The following LAD1 variants were observed in gnomAD, a reference collection of about 807,000 sequenced individuals.
LAD1 encodes ladinin 1.
Under a neutral mutation model 54.2 loss-of-function variants are expected in LAD1, and 53 were observed. The ratio of observed to expected loss-of-function variants is 0.98; its 90% CI spans 0.78 to 1.23. LAD1 has a LOEUF of 1.23. LAD1 is among the 50% of genes most tolerant of loss of function. LAD1 has a pLI of 0.00. For synonymous variants in LAD1, 231 were observed against 257.7 expected, an observed-to-expected ratio of 0.90 and a Z score of 0.99; for missense variants, 637 against 653.3, an observed-to-expected ratio of 0.98 and a Z score of 0.27.
chr1:201,388,086 G>T (rs566769351), intron 2 of LAD1, among the ~76,000 whole-genome samples: 33 of 152,194 alleles, frequency 2.2e-4, no homozygotes, highest in South Asian at 8.3e-4. Flanking sequence ...TAGCCCCAAG[G>T]TTCTTCTCCT....
intron 1 of LAD1, among the ~76,000 whole-genome samples, chr1:201,389,648 CA>C (rs10706138): frequency 0.07 from 10,166 of 145,956 alleles, 412 homozygotes; most frequent in African/African-American, 0.12. Flanking sequence ...TCCATCTCTA[CA>C]AAAATACAAA....
Position 201,382,953 on chromosome 1 carries a change from G to A in LAD1, c.1386+121C>T, listed in dbSNP as rs553245524. 5.4e-4 allele frequency: 671 copies of A among 1,252,216 alleles called. 3 individuals carry two copies. The highest frequency in any genetic ancestry group is 2.2e-3 in the Middle Eastern group (8 of 3,564). The allele number at this position is 1,252,216 out of a possible 1,614,324, so 77.6% of individuals were successfully genotyped here. The stretch of plus-strand genomic sequence containing the variant: ...AACGTGAATGGGAACTCAAATGGAG[G>A]TTCTGCCAACATTAATTGACACATG... On this transcript the variant is annotated intron_variant, in intron 7 of 9. Coordinates refer to ENST00000391967, the MANE Select transcript of LAD1 (RefSeq NM_005558.4).
chr1:201,388,284 G>A lies in LAD1; in HGVS notation c.182+876C>T, dbSNP rs868501400. Reference sequence around the variant, plus strand: ...CAGGTGCCTTTAATCTCAGCTACTCGGGAGGCTGAGGCAAAATAGCTTGAA... The same window carrying A: ...CAGGTGCCTTTAATCTCAGCTACTCAGGAGGCTGAGGCAAAATAGCTTGAA... On this transcript the variant is annotated intron_variant, in intron 2 of 9. Coordinates refer to ENST00000391967, the MANE Select transcript of LAD1 (RefSeq NM_005558.4). Among the ~76,000 whole-genome samples the A allele has an allele frequency of 2.6e-5, 4 of 152,050 alleles. No individual in the cohort carries two copies. In the East Asian group the frequency reaches 5.8e-4, roughly 22 times the overall value.
chr1:201,389,126 C>T lies in LAD1; in HGVS notation c.182+34G>A, dbSNP rs755422552. 11 of 1,604,664 alleles carry T rather than the reference C, an allele frequency of 6.9e-6. No individual in the cohort carries two copies. The African/African-American group carries it at 1.3e-4, about 20-fold the overall frequency. On this transcript the variant is annotated intron_variant, in intron 2 of 9. Coordinates refer to ENST00000391967, the MANE Select transcript of LAD1 (RefSeq NM_005558.4). ...ACTTAGTCTGAGGCAACCAGTCCAT[C>T]CCCATCCATCAGGATAGAAACCTGA...
At chr1:201,394,246 C>T (rs990677283) in intron 1 of LAD1, among the ~76,000 whole-genome samples, 1 of 152,170 alleles carries the variant, frequency 6.6e-6, no homozygotes, top group Non-Finnish European at 1.5e-5. Context: ...GATGCCGAGG[C>T]GCACAAAGGG....
rs1662165460 is a variant in LAD1 at position 201,389,742 on chromosome 1, A to G, written c.39-439T>C. On this transcript the variant is annotated intron_variant, in intron 1 of 9. Coordinates refer to ENST00000391967, the MANE Select transcript of LAD1 (RefSeq NM_005558.4). ...GAGGTTGAGGCACGAGAATCACTTG[A>G]ACCCAGGAGGCAGAGGTTGCAGTGA... 2.0e-5 allele frequency among the ~76,000 whole-genome samples: 3 copies of G among 151,782 alleles called. No homozygotes were observed. In the South Asian group the frequency reaches 6.3e-4, roughly 32 times the overall value.
chr1:201,392,855 C>T (rs568050980), intron 1 of LAD1, among the ~76,000 whole-genome samples: 1 of 150,624 alleles, frequency 6.6e-6, no homozygotes, highest in Non-Finnish European at 1.5e-5. Context: ...AAGGCACCTG[C>T]AATCCCATAG....
chr1:201,382,268 G>A lies in LAD1; in HGVS notation c.1532C>T (p.Ser511Phe). 6.2e-7 allele frequency: 1 copy of A among 1,613,628 alleles called. No homozygotes were observed. Among genetic ancestry groups the A allele is most frequent in the Non-Finnish European group, 8.5e-7 (1 of 1,179,780 alleles). The change falls in exon 9 of 10, where the codon TCC (serine) becomes TTC (phenylalanine). Residue 511 changes from serine to phenylalanine, a missense_variant. Ser to Phe is a radical substitution (Grantham distance 155). Transcript: ENST00000391967. ...ACCATTCACCTCAGCGTCCAGCGAG[G>A]AGTCAGATTTCTGTCCCCACTGAGT... is the stretch of plus-strand genomic sequence containing the variant. ...ERTQWGQKSDSSLDAEV is the reference protein window; with the variant it reads ...ERTQWGQKSDFSLDAEV
intron 4 of LAD1, 88 bp from the exon 5 acceptor site, chr1:201,384,923 GTCC>G (rs1662043506): frequency 2.3e-6 from 3 of 1,277,010 alleles, no homozygotes; most frequent in African/African-American, 1.5e-5. Context: ...CTCAAGACAT[GTCC>G]TCCTCCTCTT....
intron 4 of LAD1, 86 bp from the exon 5 acceptor site, chr1:201,384,921 A>C: frequency 7.6e-7 from 1 of 1,309,088 alleles, no homozygotes; most frequent in Admixed American, 1.7e-5. Flanking sequence ...CTCTCAAGAC[A>C]TGTCCTCCTC....
In LAD1 at chr1:201,389,296, G is replaced by T; in HGVS notation, c.46C>A (p.Arg16=). ...KDWSALSSLA[R]QRTLEDEEEQ... Reference sequence around the variant, plus strand: ...TCCTCATCCTCCAGAGTCCTCTGCCGGGCAAGGCTGGGGGAGGGGAGGAGA... The same window carrying T: ...TCCTCATCCTCCAGAGTCCTCTGCCTGGCAAGGCTGGGGGAGGGGAGGAGA... The change falls in exon 2 of 10, where the codon CGG becomes AGG. Residue 16 remains arginine, a synonymous_variant. Coordinates refer to ENST00000391967, the MANE Select transcript of LAD1 (RefSeq NM_005558.4). 1 of 1,612,188 alleles carries T rather than the reference G, an allele frequency of 6.2e-7. No individual in the cohort carries two copies. Among genetic ancestry groups the T allele is most frequent in the Non-Finnish European group, 8.5e-7 (1 of 1,179,696 alleles).
intron 2 of LAD1, 128 bp from the exon 3 acceptor site, chr1:201,387,306 G>C (rs898793549): frequency 3.2e-6 from 3 of 923,620 alleles, no homozygotes; most frequent in Non-Finnish European, 4.5e-6. Flanking sequence ...TGGCCTCCCC[G>C]GCTCACCACC....
chr1:201,386,422 G>A lies in LAD1; in HGVS notation c.939C>T (p.Leu313=), dbSNP rs774830462. 2.0e-6 allele frequency: 3 copies of A among 1,529,044 alleles called. No homozygotes were observed. The highest frequency in any genetic ancestry group is 2.2e-5 in the Admixed American group (1 of 44,552). The allele number at this position is 1,529,044 out of a possible 1,614,324, so 94.7% of individuals were successfully genotyped here. The change falls in exon 3 of 10, where the codon CTC becomes CTT. Residue 313 remains leucine, a synonymous_variant. Transcript: ENST00000391967. ...ATTKEQRGRA[L]PGKNLPSLAK... is the part of the protein sequence containing the mutation. ...CCAAAGAGGGCAGGTTCTTCCCAGG[G>A]AGGGCCCTTCCTCTCTGCTCCTTGG...
Position 201,399,059 on chromosome 1 carries a change from G to A in LAD1, c.38+210C>T, listed in dbSNP as rs146857020. Among the ~76,000 whole-genome samples, 100 of 152,322 alleles carry A rather than the reference G, an allele frequency of 6.6e-4. 2 individuals carry two copies. The highest frequency in any genetic ancestry group is 2.3e-3 in the African/African-American group (96 of 41,564). On this transcript the variant is annotated intron_variant, in intron 1 of 9. Coordinates refer to ENST00000391967, the MANE Select transcript of LAD1 (RefSeq NM_005558.4). Reference sequence around the variant, plus strand: ...AGCCTTCCCCTAAGCACCCTGTGTGGGGCCTCAGGCCCCGAGGGGAGAAGA... The same window carrying A: ...AGCCTTCCCCTAAGCACCCTGTGTGAGGCCTCAGGCCCCGAGGGGAGAAGA...
At position 201,387,077 on chromosome 1, in the gene LAD1, C is replaced by T. The variant is rs780464600; in HGVS notation, c.284G>A (p.Arg95Gln). The part of the protein sequence containing the change: ...IQSILRTRQE[R>Q]RQRRQVVEAA... ...CTCCACCACCTGCCGCCTCTGCCTCCGCTCCTGCCGTGTTCTGAGGATGCT... is the reference window on the plus strand; with the variant it reads ...CTCCACCACCTGCCGCCTCTGCCTCTGCTCCTGCCGTGTTCTGAGGATGCT... Residue 95 changes from arginine (R) to glutamine (Q), a missense_variant, in exon 3 of 10, where the codon CGG becomes CAG. Arg to Gln is a conservative substitution (Grantham distance 43). Transcript: ENST00000391967. The T allele has an allele frequency of 1.0e-4, 166 of 1,610,864 alleles. No individual in the cohort carries two copies. The highest frequency in any genetic ancestry group is 5.0e-4 in the Middle Eastern group (3 of 6,046).
In LAD1 at chr1:201,385,812, G is replaced by A. The variant is rs776259314; in HGVS notation, c.1027-7C>T. ...CCTTGCTGGGGATTTTCACCTGGAT[G>A]GAGCAGGGGGAGTGTCACATAAGAG... On this transcript the variant is annotated splice_polypyrimidine_tract_variant and splice_region_variant and intron_variant, in intron 3 of 9. Coordinates refer to ENST00000391967, the MANE Select transcript of LAD1 (RefSeq NM_005558.4). The A allele has an allele frequency of 2.2e-5, 35 of 1,601,084 alleles. No individual in the cohort carries two copies. The highest frequency in any genetic ancestry group is 2.8e-5 in the Non-Finnish European group (33 of 1,168,218).
chr1:201,386,201 A>C, intron 3 of LAD1, 134 bp downstream of exon 3: 2 of 906,026 alleles, frequency 2.2e-6, no homozygotes, highest in African/African-American at 1.7e-5. Flanking sequence ...CAGGGAAAGA[A>C]GAGACTTCCA....
chr1:201,383,566 A>G, intron 5 of LAD1, 177 bp from the exon 6 acceptor site: 1 of 656,910 alleles, frequency 1.5e-6, no homozygotes, highest in South Asian at 1.8e-5. Context: ...TACAGACGCC[A>G]GGGATTTCCC....
intron 1 of LAD1, among the ~76,000 whole-genome samples, chr1:201,391,737 G>A (rs2102359328): frequency 6.6e-6 from 1 of 152,322 alleles, no homozygotes; most frequent in African/African-American, 2.4e-5. Flanking sequence ...TTTCGATGGG[G>A]TGGGGCTGGC....
Sources: gnomAD v4.1 joint callset for allele counts (sites outside exome capture counted in the v4.1 genomes callset) on GRCh38, gnomAD v4.1.1 for gene constraint, MANE v1.5 for transcripts, NCBI Gene and HGNC (gene_info 2026-07-23, HGNC 2026-07-21) for gene names.